The following JMJD1C variants were observed in gnomAD, a reference collection of about 807,000 sequenced individuals.
The protein encoded by JMJD1C is jumonji domain-containing protein 1C.
In JMJD1C, 31 loss-of-function variants were observed where a neutral mutation model predicts 245.3. That is an observed-to-expected ratio of 0.13 (90% CI 0.09 to 0.17). The LOEUF (loss-of-function observed/expected upper bound fraction) is 0.17. Among genes scored for constraint, JMJD1C ranks in the 10% least tolerant of loss-of-function variants. The pLI is 1.00. For missense variants in JMJD1C, 2,691 were observed against 3,000.2 expected (o/e 0.90, Z 2.41); for synonymous variants, 1,057 against 1,017.4 (o/e 1.04, Z -0.74).
chr10:63,303,487 G>T (rs1049491560), intron 2 of JMJD1C, among the ~76,000 whole-genome samples: 2 of 152,114 alleles, frequency 1.3e-5, no homozygotes, highest in Non-Finnish European at 2.9e-5. Flanking sequence ...TGTATTTTTA[G>T]TAGAGACAGG....
chr10:63,217,934 A>G (rs1398619312), intron 4 of JMJD1C, among the ~76,000 whole-genome samples: 1 of 152,118 alleles, frequency 6.6e-6, no homozygotes, highest in African/African-American at 2.4e-5. Flanking sequence ...CCATTAGAAA[A>G]TAATAAAAAA....
At chr10:63,429,972 T>C (rs1325296099) in intron 1 of JMJD1C, among the ~76,000 whole-genome samples, 2 of 152,150 alleles carry the variant, frequency 1.3e-5, no homozygotes, top group Admixed American at 6.5e-5. Flanking sequence ...GACTAAAAAC[T>C]CTATCCCATT....
intron 2 of JMJD1C, among the ~76,000 whole-genome samples, chr10:63,352,128 AAT>A (rs1944414986): frequency 2.0e-5 from 3 of 152,240 alleles, no homozygotes; most frequent in Admixed American, 2.0e-4. Flanking sequence ...TAGACATAGG[AAT>A]TAGCAGATAC....
chr10:63,262,764 A>C (rs1241399873), intron 3 of JMJD1C, among the ~76,000 whole-genome samples: 1 of 152,146 alleles, frequency 6.6e-6, no homozygotes, highest in Non-Finnish European at 1.5e-5. Flanking sequence ...CAATTCACTA[A>C]ACTGCGTTAA....
Position 63,176,500 on chromosome 10 carries a change from C to A in JMJD1C, c.7225-27G>T, listed in dbSNP as rs1460277003. The A allele has an allele frequency of 6.5e-7, 1 of 1,527,358 alleles. No individual in the cohort carries two copies. 94.6% of individuals were successfully genotyped at this position (1,527,358 alleles called of 1,614,324 possible). Reference sequence around the variant, plus strand: ...TGAAATATGAATTAAAATAGACACTCCAATTTAAGTAAGGAAATGGTAAAT... The same window carrying A: ...TGAAATATGAATTAAAATAGACACTACAATTTAAGTAAGGAAATGGTAAAT... On this transcript the variant is annotated intron_variant, in intron 23 of 25. Coordinates refer to ENST00000399262, the MANE Select transcript of JMJD1C (RefSeq NM_032776.3).
intron 1 of JMJD1C, among the ~76,000 whole-genome samples, chr10:63,421,553 G>C (rs564995728): frequency 2.6e-5 from 4 of 152,208 alleles, no homozygotes; most frequent in African/African-American, 9.6e-5. Flanking sequence ...TTGTACATTT[G>C]TACTTTGTGT....
chr10:63,228,913 C>T lies in JMJD1C; in HGVS notation c.448-8930G>A, dbSNP rs142188914. Reference sequence around the variant, plus strand: ...TAACAATATACTTGATTTTAATGTACATAATTTAGGAAAAATTATCTAATT... The same window carrying T: ...TAACAATATACTTGATTTTAATGTATATAATTTAGGAAAAATTATCTAATT... On this transcript the variant is annotated intron_variant, in intron 3 of 25. Transcript: ENST00000399262. Among the ~76,000 whole-genome samples, 530 of 152,182 alleles carry T rather than the reference C, an allele frequency of 3.5e-3. 4 individuals are homozygous for T. The highest frequency in any genetic ancestry group is 0.029 in the South Asian group (141 of 4,812).
rs1458462510 is a variant in JMJD1C at position 63,176,351 on chromosome 10, A to G, written c.7347T>C (p.Thr2449=). 1 of 1,614,074 alleles carries G rather than the reference A, an allele frequency of 6.2e-7. No homozygotes were observed. Among genetic ancestry groups the G allele is most frequent in the Non-Finnish European group, 8.5e-7 (1 of 1,179,946 alleles). ...LLEEYGVRTC[T]LIQFLGDAIV... ...TAGCATCACCAAGGAACTGAATAAG[A>G]GTACAGGTTCTGACTCCATATTCTT... Residue 2449 remains threonine (T), a synonymous_variant, in exon 24 of 26, where the codon ACT becomes ACC. Transcript: ENST00000399262.
chr10:63,219,445 A>C (rs1848358667), intron 4 of JMJD1C, among the ~76,000 whole-genome samples: 1 of 152,170 alleles, frequency 6.6e-6, no homozygotes, highest in African/African-American at 2.4e-5. Context: ...GTAACATACT[A>C]AACAAAGGAA....
chr10:63,358,935 C>G (rs1183066828), intron 2 of JMJD1C: 1 of 159,918 alleles, frequency 6.3e-6, no homozygotes, highest in Non-Finnish European at 1.4e-5. Flanking sequence ...GAAAATCTAA[C>G]CATGTTGGAC....
intron 2 of JMJD1C, among the ~76,000 whole-genome samples, chr10:63,373,455 G>T (rs1009573555): frequency 1.1e-4 from 16 of 152,228 alleles, no homozygotes; most frequent in African/African-American, 3.4e-4. Flanking sequence ...TTTTTGTCTT[G>T]TCATGATCTC....
chr10:63,278,129 C>A (rs1857000390), intron 2 of JMJD1C, among the ~76,000 whole-genome samples: 1 of 151,948 alleles, frequency 6.6e-6, no homozygotes, highest in African/African-American at 2.4e-5. Context: ...AGACAACCTA[C>A]AATAGGTAAG....
At position 63,380,500 on chromosome 10, in the gene JMJD1C, C is replaced by T. The variant is rs766849564; in HGVS notation, c.169-18G>A. On this transcript the variant is annotated intron_variant, in intron 1 of 25. Transcript: ENST00000399262. Reference sequence around the variant, plus strand: ...ACATACACCTATGAAAACAAAAACACAAAATTCAATTAGCAAAATAGAAGA... The same window carrying T: ...ACATACACCTATGAAAACAAAAACATAAAATTCAATTAGCAAAATAGAAGA... 6.3e-6 allele frequency: 10 copies of T among 1,592,686 alleles called. No individual in the cohort carries two copies. Among genetic ancestry groups the T allele is most frequent in the Non-Finnish European group, 8.5e-6 (10 of 1,170,146 alleles).
At chr10:63,248,004 G>C (rs1393415804) in intron 3 of JMJD1C, among the ~76,000 whole-genome samples, 3 of 152,190 alleles carry the variant, frequency 2.0e-5, no homozygotes, top group East Asian at 3.9e-4. Context: ...CGAGGTAGTG[G>C]ATCACTTAAG....
At chr10:63,519,780 G>T (rs1955148352) in intron 1 of JMJD1C, among the ~76,000 whole-genome samples, 1 of 152,222 alleles carries the variant, frequency 6.6e-6, no homozygotes, top group Non-Finnish European at 1.5e-5. Context: ...CAGGTTGGCT[G>T]AAAGAAGAGA....
intron 2 of JMJD1C, among the ~76,000 whole-genome samples, chr10:63,376,263 T>C (rs1313149233): frequency 6.6e-6 from 1 of 152,202 alleles, no homozygotes; most frequent in African/African-American, 2.4e-5. Context: ...CCTTACATGA[T>C]ATTCCAAACT....
chr10:63,361,009 A>C (rs1386900061), intron 2 of JMJD1C, among the ~76,000 whole-genome samples: 3 of 152,240 alleles, frequency 2.0e-5, no homozygotes, highest in Admixed American at 6.5e-5. Context: ...CGTCATTACA[A>C]ATGAACAGTT....
At chr10:63,288,628 T>TAC (rs1349424674) in intron 2 of JMJD1C, among the ~76,000 whole-genome samples, 2 of 152,118 alleles carry the variant, frequency 1.3e-5, no homozygotes, top group Non-Finnish European at 2.9e-5. Flanking sequence ...AAGGGCTGAA[T>TAC]ACAGTGGCTC....
intron 1 of JMJD1C, among the ~76,000 whole-genome samples, chr10:63,423,900 T>C (rs1950276921): frequency 6.6e-6 from 1 of 152,222 alleles, no homozygotes; most frequent in Non-Finnish European, 1.5e-5. Flanking sequence ...GTAAAGATAC[T>C]GACGATCTTG....
Sources: gnomAD v4.1 joint callset for allele counts (sites outside exome capture counted in the v4.1 genomes callset) on GRCh38, gnomAD v4.1.1 for gene constraint, MANE v1.5 for transcripts, NCBI Gene and HGNC (gene_info 2026-07-23, HGNC 2026-07-21) for gene names.